Variants in HEXB observed in about 807,000 individuals in gnomAD.
HEXB encodes the protein beta-hexosaminidase subunit beta.
A neutral mutation model predicts 71.2 loss-of-function variants in HEXB; 51 were observed. That is an observed-to-expected ratio of 0.72 (90% CI 0.57 to 0.90). The LOEUF (loss-of-function observed/expected upper bound fraction) is 0.90, where lower values mean the gene tolerates loss of function less well. Ranked by LOEUF, HEXB falls within the 40% of genes least tolerant of loss-of-function variation. HEXB has a pLI of 0.00. For missense variants in HEXB, 617 were observed against 677.0 expected, an observed-to-expected ratio of 0.91 and a Z score of 0.98; for synonymous variants, 266 against 249.3, an observed-to-expected ratio of 1.07 and a Z score of -0.63.
intron 1 of HEXB, among the ~76,000 whole-genome samples, chr5:74,672,253 GC>G (rs1427556601): frequency 5.9e-5 from 9 of 152,332 alleles, no homozygotes; most frequent in African/African-American, 2.2e-4. Flanking sequence ...CAATAGGGCA[GC>G]CCTCCAGGGA....
Position 74,662,164 on chromosome 5 carries a change from CT to C in HEXB, c.-377+21616del, listed in dbSNP as rs145499677. Among the ~76,000 whole-genome samples, 601 of 148,824 alleles carry C rather than the reference CT, an allele frequency of 4.0e-3. 2 individuals carry two copies. The highest frequency in any genetic ancestry group is 0.013 in the African/African-American group (535 of 40,594). On this transcript the variant is annotated intron_variant, in intron 1 of 13. Transcript: ENST00000511181. ...CAGAGAAAACCACCATGATTTTAAG[CT>C]TTTTTTTTTCAGTCTTTGTGCTGTG...
chr5:74,662,325 A>G (rs1748342324), intron 1 of HEXB, among the ~76,000 whole-genome samples: 1 of 152,210 alleles, frequency 6.6e-6, no homozygotes, highest in Non-Finnish European at 1.5e-5. Flanking sequence ...TAATTTCCAT[A>G]ATTATTTCTA....
In HEXB at chr5:74,718,838, A is replaced by G. The variant is rs774418612; in HGVS notation, c.1284A>G (p.Ala428=). 1.9e-6 allele frequency: 3 copies of G among 1,614,188 alleles called. No individual in the cohort carries two copies. Among genetic ancestry groups the G allele is most frequent in the Non-Finnish European group, 2.5e-6 (3 of 1,180,014 alleles). The change falls in exon 11 of 14, where the codon GCA becomes GCG. Residue 428 remains alanine, a synonymous_variant. Coordinates refer to ENST00000261416, the MANE Select transcript of HEXB (RefSeq NM_000521.4). ...GTIVEVWKDS[A]YPEELSRVTA... ...TAGTTGAAGTATGGAAAGACAGCGC[A>G]TATCCTGAGGAACTCAGTAGAGTCA...
intron 1 of HEXB, among the ~76,000 whole-genome samples, chr5:74,668,439 G>T (rs1337067809): frequency 6.6e-6 from 1 of 152,130 alleles, no homozygotes; most frequent in Non-Finnish European, 1.5e-5. Flanking sequence ...CAGAGAGGTA[G>T]CCTGGCCCCC....
chr5:74,700,396 G>C (rs1749235050), intron 5 of HEXB, among the ~76,000 whole-genome samples: 1 of 151,818 alleles, frequency 6.6e-6, no homozygotes, highest in Non-Finnish European at 1.5e-5. Context: ...GTTGTCTATA[G>C]ATTGTGCCAC....
chr5:74,685,176 C>G (rs562951186), upstream of HEXB: 1 of 1,369,176 alleles, frequency 7.3e-7, no homozygotes, highest in Non-Finnish European at 9.5e-7. Flanking sequence ...CACCCGCGGC[C>G]GCGCTTCCTC....
chr5:74,721,173 T>TA lies in HEXB; in HGVS notation c.*4dup, dbSNP rs771506320. The change falls in exon 14 of 14, where the codon TAA becomes TAAA. Residue 557 remains the stop codon, a frameshift_variant and stop_retained_variant. Transcript: ENST00000261416. LOFTEE classifies it high-confidence loss of function. The part of the protein sequence containing the change: ...YAGYCNHENM[*] ...TGGATATTGTAACCATGAGAACATG[T>TA]AAAAAATGGAGGGGAAAAAGGCCAC... The TA allele has an allele frequency of 4.3e-6, 7 of 1,612,248 alleles. No homozygotes were observed. In the African/African-American group the frequency reaches 6.7e-5, roughly 15 times the overall value.
In HEXB at chr5:74,685,278, G is replaced by A; in HGVS notation, c.18G>A (p.Leu6=). 2.6e-6 allele frequency: 4 copies of A among 1,542,966 alleles called. No individual in the cohort carries two copies. In the African/African-American group the frequency reaches 4.1e-5, roughly 16 times the overall value. ...GAGCGGCCATGGAGCTGTGCGGGCT[G>A]GGGCTGCCCCGGCCGCCCATGCTGC... is the stretch of plus-strand genomic sequence containing the variant. The part of the protein sequence containing the change: MELCG[L]GLPRPPMLLA... Residue 6 remains leucine, a synonymous_variant, in exon 1 of 14, where the codon CTG becomes CTA. Transcript: ENST00000261416.
chr5:74,670,874 C>G (rs1748523643), intron 1 of HEXB, among the ~76,000 whole-genome samples: 1 of 152,108 alleles, frequency 6.6e-6, no homozygotes, highest in Non-Finnish European at 1.5e-5. Flanking sequence ...CACTTGCTCG[C>G]TCACACACCC....
intron 6 of HEXB, among the ~76,000 whole-genome samples, chr5:74,706,449 A>G (rs975904002): frequency 6.6e-6 from 1 of 152,192 alleles, no homozygotes; most frequent in Admixed American, 6.5e-5. Context: ...TGGGCGCAGG[A>G]CAGTGGGTGC....
chr5:74,648,086 GTATT>G (rs766448269), intron 1 of HEXB, among the ~76,000 whole-genome samples: 14 of 152,216 alleles, frequency 9.2e-5, no homozygotes, highest in Non-Finnish European at 1.9e-4. Flanking sequence ...CCTGGGCAAA[GTATT>G]TATTCTCTCA....
At chr5:74,671,177 A>G (rs1477265529) in intron 1 of HEXB, among the ~76,000 whole-genome samples, 2 of 152,208 alleles carry the variant, frequency 1.3e-5, no homozygotes, top group African/African-American at 4.8e-5. Context: ...TACTGGCAAC[A>G]AAGTGTTCCA....
intron 5 of HEXB, among the ~76,000 whole-genome samples, chr5:74,703,356 T>G (rs1450120172): frequency 6.6e-6 from 1 of 152,240 alleles, no homozygotes; most frequent in South Asian, 2.1e-4. Flanking sequence ...TGGAGCACTG[T>G]CTTACTTTTT....
intron 1 of HEXB, among the ~76,000 whole-genome samples, chr5:74,662,915 A>G (rs929469754): frequency 4.6e-5 from 7 of 152,340 alleles, no homozygotes; most frequent in South Asian, 4.1e-4. Flanking sequence ...CAATTACTAA[A>G]CTGGCTAAGT....
chr5:74,705,739 T>G (rs1031060629), intron 6 of HEXB: 1 of 241,910 alleles, frequency 4.1e-6, no homozygotes, highest in East Asian at 1.1e-4. Context: ...TGAGAGTGTT[T>G]TCTTAGAAAA....
chr5:74,711,010 C>G (rs1267139056), intron 6 of HEXB, among the ~76,000 whole-genome samples: 53 of 151,494 alleles, frequency 3.5e-4, no homozygotes, highest in Non-Finnish European at 6.6e-4. Context: ...AAGCTGGAGG[C>G]ATCACGCTAC....
intron 1 of HEXB, among the ~76,000 whole-genome samples, chr5:74,644,640 G>T (rs1747967078): frequency 6.6e-6 from 1 of 151,878 alleles, no homozygotes; most frequent in South Asian, 2.1e-4. Flanking sequence ...AAGACAAAGG[G>T]TCTAAATCGA....
At chr5:74,694,830 C>T (rs1334004628) in intron 3 of HEXB, among the ~76,000 whole-genome samples, 2 of 151,628 alleles carry the variant, frequency 1.3e-5, no homozygotes, top group African/African-American at 4.8e-5. Flanking sequence ...ATGAGCCAGG[C>T]ATGGTGGCGC....
intron 1 of HEXB, among the ~76,000 whole-genome samples, chr5:74,647,221 A>T (rs1425598414): frequency 6.6e-5 from 10 of 152,220 alleles, no homozygotes. Flanking sequence ...ATTACATTCA[A>T]CAATTGACCG....
Sources: allele counts gnomAD v4.1 joint callset (sites outside exome capture counted in the v4.1 genomes callset), GRCh38; gene constraint gnomAD v4.1.1; transcripts MANE v1.5; gene names NCBI Gene and HGNC (gene_info 2026-07-23, HGNC 2026-07-21).